The following RFTN1 variants were observed in gnomAD, a reference collection of about 807,000 sequenced individuals.
RFTN1 encodes raftlin, lipid raft linker 1.
A neutral mutation model predicts 46.5 loss-of-function variants in RFTN1; 26 were observed. The observed-to-expected ratio is 0.56, with a 90% CI of 0.41 to 0.78. RFTN1 has a LOEUF of 0.78. Among genes scored for constraint, RFTN1 ranks in the 30% least tolerant of loss-of-function variants. The pLI is 0.00. For synonymous variants in RFTN1, 261 were observed against 284.2 expected (o/e 0.92, Z 0.82); for missense variants, 693 against 718.7 (o/e 0.96, Z 0.41).
intron 4 of RFTN1, among the ~76,000 whole-genome samples, chr3:16,398,785 G>C (rs2074535100): frequency 6.6e-6 from 1 of 152,220 alleles, no homozygotes; most frequent in African/African-American, 2.4e-5. Flanking sequence ...TGAGATGACA[G>C]AGTGTTATGC....
chr3:16,484,792 T>G lies in RFTN1; in HGVS notation c.145+8933A>C, dbSNP rs2076421790. On this transcript the variant is annotated intron_variant, in intron 2 of 9. Coordinates refer to ENST00000334133, the MANE Select transcript of RFTN1 (RefSeq NM_015150.2). The surrounding 1 kb of genome is among the most constrained non-coding windows in gnomAD (Gnocchi z 4.6). ...TGTTCAGTAAAACTACAAGATATCCTGCAAAGCTCCAAGTGCTTGGTGGCC... is the reference window on the plus strand; with the variant it reads ...TGTTCAGTAAAACTACAAGATATCCGGCAAAGCTCCAAGTGCTTGGTGGCC... The G allele has an allele frequency of 6.6e-6, 1 of 152,228 alleles. No homozygotes were observed. Among genetic ancestry groups the G allele is most frequent in the African/African-American group, 2.4e-5 (1 of 41,464 alleles). The allele number at this position is 152,228 out of a possible 1,614,324, so 9.4% of individuals were successfully genotyped here.
rs1354738542 is a variant in RFTN1, at chr3:16,475,464, T to C, written c.145+18261A>G. Among the ~76,000 whole-genome samples, 1 of 152,198 alleles carries C rather than the reference T, an allele frequency of 6.6e-6. No homozygotes were observed. The highest frequency in any genetic ancestry group is 1.5e-5 in the Non-Finnish European group (1 of 68,036). On this transcript the variant is annotated intron_variant, in intron 2 of 9. Transcript: ENST00000334133. This position sits in a 1 kb window ranked among gnomAD's most constrained non-coding sequence, Gnocchi z 4.2. ...AGTTGAGATTGCCCCTTGGCTATTTTAGACTACCAATGCCACAGAAACAAA... is the reference window on the plus strand; with the variant it reads ...AGTTGAGATTGCCCCTTGGCTATTTCAGACTACCAATGCCACAGAAACAAA...
rs1025987240 is a variant in RFTN1 at position 16,341,859 on chromosome 3, T to C, written c.1147-14983A>G. ...ATGTATAACAGTTTGAAGAGTATGA[T>C]ACCATTTTTGTAAAAAATATGCAAA... On this transcript the variant is annotated intron_variant, in intron 7 of 9. Coordinates refer to ENST00000334133, the MANE Select transcript of RFTN1 (RefSeq NM_015150.2). This position sits in a 1 kb window ranked among gnomAD's most constrained non-coding sequence, Gnocchi z 4.7. Among the ~76,000 whole-genome samples, 3 of 152,212 alleles carry C rather than the reference T, an allele frequency of 2.0e-5. No individual in the cohort carries two copies. The highest frequency in any genetic ancestry group is 7.2e-5 in the African/African-American group (3 of 41,462).
At position 16,468,841 on chromosome 3, in the gene RFTN1, C is replaced by T. The variant is rs1205048998; in HGVS notation, c.145+24884G>A. On this transcript the variant is annotated intron_variant, in intron 2 of 9. Transcript: ENST00000334133. The surrounding 1 kb of genome is among the most constrained non-coding windows in gnomAD (Gnocchi z 4.4). ...TATAACTGAGACAAAAAAAATGCCA[C>T]ATAATTAGACACAGCCAGAAAAGGG... Among the ~76,000 whole-genome samples, 1 of 152,196 alleles carries T rather than the reference C, an allele frequency of 6.6e-6. No homozygotes were observed. Among genetic ancestry groups the T allele is most frequent in the African/African-American group, 2.4e-5 (1 of 41,438 alleles).
chr3:16,491,085 T>C (rs2076532677), intron 2 of RFTN1, among the ~76,000 whole-genome samples: 1 of 152,126 alleles, frequency 6.6e-6, no homozygotes, highest in Admixed American at 6.5e-5. Context: ...AAGCAAGATA[T>C]ATAGCAGGTT....
chr3:16,375,938 G>A (rs576332997), intron 5 of RFTN1, among the ~76,000 whole-genome samples: 1 of 152,196 alleles, frequency 6.6e-6, no homozygotes, highest in Admixed American at 6.5e-5. Context: ...GGTGAGGAAG[G>A]TGAGTGGCCA....
At position 16,356,615 on chromosome 3, in the gene RFTN1, A is replaced by T. The variant is rs1371571181; in HGVS notation, c.1146+1317T>A. 6.6e-6 allele frequency among the ~76,000 whole-genome samples: 1 copy of T among 152,120 alleles called. No homozygotes were observed. Among genetic ancestry groups the T allele is most frequent in the Non-Finnish European group, 1.5e-5 (1 of 68,022 alleles). On this transcript the variant is annotated intron_variant, in intron 7 of 9. Coordinates refer to ENST00000334133, the MANE Select transcript of RFTN1 (RefSeq NM_015150.2). The surrounding 1 kb of genome is among the most constrained non-coding windows in gnomAD (Gnocchi z 4.9). ...CCACCATCCCATCTCCACTTCAATA[A>T]CCAGGCAAGGGACTGCCTCAAGGCT...
chr3:16,337,108 C>G lies in RFTN1; in HGVS notation c.1147-10232G>C, dbSNP rs1165046251. 2 of 152,236 alleles carry G rather than the reference C, an allele frequency of 1.3e-5. No homozygotes were observed. The highest frequency in any genetic ancestry group is 4.8e-5 in the African/African-American group (2 of 41,452). The allele number at this position is 152,236 out of a possible 1,614,324, so 9.4% of individuals were successfully genotyped here. A position where few individuals can be genotyped will look rare whatever the true frequency, so the allele number is the denominator to read the frequency against. On this transcript the variant is annotated intron_variant, in intron 7 of 9. Transcript: ENST00000334133. The surrounding 1 kb of genome is among the most constrained non-coding windows in gnomAD (Gnocchi z 5.0). ...GAGCCTTGCTGTTTCTGCTCACTCT[C>G]CAGGAACCCTGCCTACGCCATGAGG...
rs2074019712 is a variant in RFTN1 at position 16,382,338 on chromosome 3, T to C, written c.442-4236A>G. Reference sequence around the variant, plus strand: ...CTTACAGTTCTGTCTTACCCTAGTATAGACACTTTCCTCTTTTTCAGAAAG... The same window carrying C: ...CTTACAGTTCTGTCTTACCCTAGTACAGACACTTTCCTCTTTTTCAGAAAG... On this transcript the variant is annotated intron_variant, in intron 4 of 9. Coordinates refer to ENST00000334133, the MANE Select transcript of RFTN1 (RefSeq NM_015150.2). This position sits in a 1 kb window ranked among gnomAD's most constrained non-coding sequence, Gnocchi z 4.7. Among the ~76,000 whole-genome samples, 1 of 152,254 alleles carries C rather than the reference T, an allele frequency of 6.6e-6. No homozygotes were observed. The highest frequency in any genetic ancestry group is 2.4e-5 in the African/African-American group (1 of 41,470).
At chr3:16,319,664 G>T (rs143650357) in intron 9 of RFTN1, among the ~76,000 whole-genome samples, 2 of 152,324 alleles carry the variant, frequency 1.3e-5, no homozygotes, top group African/African-American at 4.8e-5. Context: ...GCCACATCCA[G>T]TTTCCTGTAG....
intron 7 of RFTN1, among the ~76,000 whole-genome samples, chr3:16,347,294 A>G (rs2071791183): frequency 2.0e-5 from 3 of 152,256 alleles, no homozygotes; most frequent in Admixed American, 6.5e-5. Context: ...TGTTATATCC[A>G]TTTTCTAGGG....
intron 2 of RFTN1, among the ~76,000 whole-genome samples, chr3:16,461,010 G>C (rs1167429391): frequency 6.6e-6 from 1 of 152,356 alleles, no homozygotes. Context: ...AGGAGGCCAC[G>C]CCACAGAGGC....
intron 7 of RFTN1, among the ~76,000 whole-genome samples, chr3:16,343,453 T>G (rs1324454510): frequency 6.6e-6 from 1 of 152,210 alleles, no homozygotes; most frequent in Non-Finnish European, 1.5e-5. Flanking sequence ...TTTTTCCTCC[T>G]CCAAGATAAA....
At chr3:16,404,107 A>T (rs1233575426) in intron 4 of RFTN1, among the ~76,000 whole-genome samples, 1 of 1,086 alleles carries the variant, frequency 9.2e-4, no homozygotes. Flanking sequence ...TATTATATAT[A>T]ATATATAATA....
intron 3 of RFTN1, among the ~76,000 whole-genome samples, chr3:16,423,055 C>T (rs1323215699): frequency 6.6e-6 from 1 of 152,034 alleles, no homozygotes; most frequent in East Asian, 1.9e-4. Context: ...GTAGTCCCAG[C>T]TCCTTGGGAG....
intron 2 of RFTN1, 95 bp downstream of exon 2, chr3:16,493,630 C>A (rs1307357565): frequency 1.7e-6 from 2 of 1,192,210 alleles, no homozygotes; most frequent in Non-Finnish European, 2.3e-6. Flanking sequence ...TTCACAGCCC[C>A]CACCCCATCC....
Position 16,345,021 on chromosome 3 carries a change from C to A in RFTN1, c.1146+12911G>T, listed in dbSNP as rs1346475805. The A allele has an allele frequency of 1.3e-5, 2 of 152,206 alleles. No homozygotes were observed. Among genetic ancestry groups the A allele is most frequent in the African/African-American group, 4.8e-5 (2 of 41,438 alleles). 9.4% of individuals were successfully genotyped at this position (152,206 alleles called of 1,614,324 possible). ...AAAGCATAAGAAATGGGGGCAGCCC[C>A]CAGGAGCAAGGACCAGCTCCTGGAT... On this transcript the variant is annotated intron_variant, in intron 7 of 9. Transcript: ENST00000334133. The surrounding 1 kb of genome is among the most constrained non-coding windows in gnomAD (Gnocchi z 5.2).
In RFTN1 at chr3:16,457,031, G is replaced by C. The variant is rs545943795; in HGVS notation, c.146-22994C>G. ...TTTTTTTTAAATGACAGATGCCATT[G>C]CTATAAGAACTTTAATAAGTATATG... On this transcript the variant is annotated intron_variant, in intron 2 of 9. Coordinates refer to ENST00000334133, the MANE Select transcript of RFTN1 (RefSeq NM_015150.2). This position sits in a 1 kb window ranked among gnomAD's most constrained non-coding sequence, Gnocchi z 4.2. 9.2e-5 allele frequency among the ~76,000 whole-genome samples: 14 copies of C among 152,250 alleles called. No homozygotes were observed. The highest frequency in any genetic ancestry group is 1.9e-4 in the Non-Finnish European group (13 of 68,014).
At chr3:16,393,825 A>AT (rs1309180131) in intron 4 of RFTN1, among the ~76,000 whole-genome samples, 1 of 151,646 alleles carries the variant, frequency 6.6e-6, no homozygotes. Flanking sequence ...TACCCGGCTA[A>AT]TTTTTTTGTA....
Sources: allele counts gnomAD v4.1 joint callset (sites outside exome capture counted in the v4.1 genomes callset), GRCh38; gene constraint gnomAD v4.1.1; non-coding constraint Gnocchi (gnomAD v3.1); transcripts MANE v1.5; gene names NCBI Gene and HGNC (gene_info 2026-07-23, HGNC 2026-07-21).